The following EYS variants were observed in gnomAD, a reference collection of about 807,000 sequenced individuals.
The protein encoded by EYS is EGF-like photoreceptor maintenance factor.
EYS carries 250 observed loss-of-function variants against 282.1 expected under a neutral mutation model. The ratio of observed to expected loss-of-function variants is 0.89; its 90% CI spans 0.80 to 0.98. EYS has a LOEUF of 0.98. EYS is among the 50% of genes least tolerant of loss of function. The probability of loss-of-function intolerance (pLI) is 0.00; values close to 1 mark genes in which losing one functional copy is unlikely to be tolerated. For synonymous variants in EYS, 1,355 were observed against 1,282.9 expected (o/e 1.06, Z -1.20); for missense variants, 4,016 against 3,709.0 (o/e 1.08, Z -2.15).
intron 33 of EYS, among the ~76,000 whole-genome samples, chr6:64,033,856 A>G (rs1305002631): frequency 6.6e-6 from 1 of 151,964 alleles, no homozygotes; most frequent in Non-Finnish European, 1.5e-5. Context: ...CTATATATAT[A>G]TATATAAAAT....
At chr6:65,172,001 A>G (rs1006091225) in intron 12 of EYS, among the ~76,000 whole-genome samples, 2 of 151,460 alleles carry the variant, frequency 1.3e-5, no homozygotes, top group African/African-American at 4.8e-5. Flanking sequence ...AGGAAAATAT[A>G]TGATCATGGA....
rs540618353 is a variant in EYS at position 64,067,680 on chromosome 6, G to T, written c.6572-1189C>A. Among the ~76,000 whole-genome samples the T allele has an allele frequency of 3.9e-5, 6 of 152,074 alleles. No homozygotes were observed. The East Asian group carries it at 1.2e-3, about 29-fold the overall frequency. On this transcript the variant is annotated intron_variant, in intron 32 of 42. Transcript: ENST00000503581. The stretch of plus-strand genomic sequence containing the variant: ...ATTTACAAATTAAACTTTATCATTG[G>T]CATGATGTACAGGAAAAAATCATAA...
intron 26 of EYS, among the ~76,000 whole-genome samples, chr6:64,559,796 G>T (rs1286390719): frequency 6.6e-6 from 1 of 151,992 alleles, no homozygotes; most frequent in Non-Finnish European, 1.5e-5. Flanking sequence ...TACATGTGCA[G>T]GTTTGTTATA....
At chr6:64,037,755 T>C (rs1458603173) in intron 33 of EYS, among the ~76,000 whole-genome samples, 2 of 152,240 alleles carry the variant, frequency 1.3e-5, no homozygotes, top group African/African-American at 4.8e-5. Flanking sequence ...TCATTATTTC[T>C]GATTTTTCAC....
At chr6:64,910,043 C>G (rs1473624303) in intron 16 of EYS, among the ~76,000 whole-genome samples, 2 of 152,112 alleles carry the variant, frequency 1.3e-5, no homozygotes, top group African/African-American at 4.8e-5. Context: ...AATACATACG[C>G]TGAATCCTTA....
chr6:63,900,903 C>G (rs1773641853), intron 35 of EYS, among the ~76,000 whole-genome samples: 1 of 152,050 alleles, frequency 6.6e-6, no homozygotes. Context: ...TGGAAGAAAA[C>G]AACAACCGTG....
At chr6:64,556,138 A>G (rs1395374459) in intron 26 of EYS, among the ~76,000 whole-genome samples, 1 of 152,008 alleles carries the variant, frequency 6.6e-6, no homozygotes, top group Non-Finnish European at 1.5e-5. Flanking sequence ...TTTTGTATTT[A>G]CTCATGATAA....
intron 35 of EYS, among the ~76,000 whole-genome samples, chr6:63,929,378 C>T (rs114535600): frequency 6.6e-6 from 1 of 152,192 alleles, no homozygotes; most frequent in East Asian, 1.9e-4. Context: ...GTTATATCCA[C>T]AGGAGAAGAA....
chr6:64,138,876 C>T (rs1378685139), intron 31 of EYS, among the ~76,000 whole-genome samples: 1 of 152,142 alleles, frequency 6.6e-6, no homozygotes, highest in Admixed American at 6.6e-5. Context: ...TGTTGTTAGA[C>T]TTTTATGCCT....
At position 64,917,804 on chromosome 6, in the gene EYS, T is replaced by C. The variant is rs151254779; in HGVS notation, c.2382-5061A>G. ...AAAACATTATGTTATACAACATAAA[T>C]ATACACAATTTTTATGTGTTAATTT... On this transcript the variant is annotated intron_variant, in intron 15 of 42. Transcript: ENST00000503581. Among the ~76,000 whole-genome samples the C allele has an allele frequency of 6.7e-4, 102 of 152,320 alleles. No homozygotes were observed. In the East Asian group the frequency reaches 0.013, roughly 20 times the overall value.
At chr6:65,064,853 C>G (rs116238083) in intron 12 of EYS, among the ~76,000 whole-genome samples, 7 of 151,966 alleles carry the variant, frequency 4.6e-5, no homozygotes, top group Non-Finnish European at 8.8e-5. Flanking sequence ...TATATGCAAA[C>G]CTTGGACTGA....
At chr6:63,909,178 T>A (rs1464094419) in intron 35 of EYS, among the ~76,000 whole-genome samples, 2 of 152,226 alleles carry the variant, frequency 1.3e-5, no homozygotes, top group Non-Finnish European at 2.9e-5. Context: ...TGTGGCCTTC[T>A]GATTTTTATG....
chr6:64,576,595 G>T (rs1426016627), intron 26 of EYS, among the ~76,000 whole-genome samples: 2 of 151,774 alleles, frequency 1.3e-5, no homozygotes, highest in Non-Finnish European at 2.9e-5. Flanking sequence ...ACACATCTAT[G>T]GTGCTATGTA....
intron 12 of EYS, among the ~76,000 whole-genome samples, chr6:65,248,451 T>C (rs1246990680): frequency 6.6e-6 from 1 of 152,084 alleles, no homozygotes; most frequent in Non-Finnish European, 1.5e-5. Flanking sequence ...AAATGACATA[T>C]GTCATATTTT....
At chr6:64,635,859 C>A (rs936329992) in intron 22 of EYS, among the ~76,000 whole-genome samples, 4 of 152,086 alleles carry the variant, frequency 2.6e-5, no homozygotes, top group Non-Finnish European at 5.9e-5. Context: ...GGGAGGATTC[C>A]CGCTTTTTCT....
rs1320243607 is a variant in EYS at position 64,439,351 on chromosome 6, A to G, written c.5646T>C (p.Asp1882=). The G allele has an allele frequency of 1.3e-6, 2 of 1,488,534 alleles. No homozygotes were observed. The highest frequency in any genetic ancestry group is 1.5e-5 in the African/African-American group (1 of 68,844). The allele number at this position is 1,488,534 out of a possible 1,614,324, so 92.2% of individuals were successfully genotyped here. A position where few individuals can be genotyped will look rare whatever the true frequency, so the allele number is the denominator to read the frequency against. The change falls in exon 27 of 43, where the codon GAT becomes GAC. Residue 1882 remains aspartate (D), a splice_region_variant and synonymous_variant. Transcript: ENST00000503581. ...CTCCATAATAACGAACACAACTGAAATCTGTGGAGTCAGAAAGAAAATACA... is the reference window on the plus strand; with the variant it reads ...CTCCATAATAACGAACACAACTGAAGTCTGTGGAGTCAGAAAGAAAATACA... ...ILAPQRLMIS[D]FSCVRYYGDS...
chr6:63,908,010 ACG>A (rs1491528462), intron 35 of EYS, among the ~76,000 whole-genome samples: 1 of 12,600 alleles, frequency 7.9e-5, no homozygotes, highest in African/African-American at 3.7e-4. Context: ...ACACACACAA[ACG>A]TATATATATA....
intron 22 of EYS, among the ~76,000 whole-genome samples, chr6:64,704,321 T>C (rs1235896359): frequency 3.9e-5 from 4 of 103,786 alleles, no homozygotes; most frequent in Non-Finnish European, 8.0e-5. Context: ...ATGTACTATA[T>C]ATAAATATAT....
chr6:64,789,704 A>G (rs1486075848), intron 22 of EYS, among the ~76,000 whole-genome samples: 1 of 151,974 alleles, frequency 6.6e-6, no homozygotes, highest in African/African-American at 2.4e-5. Context: ...CTCTAACCTC[A>G]AGACTGTAAG....
Sources: gnomAD v4.1 joint callset for allele counts (sites outside exome capture counted in the v4.1 genomes callset) on GRCh38, gnomAD v4.1.1 for gene constraint, MANE v1.5 for transcripts, NCBI Gene and HGNC (gene_info 2026-07-23, HGNC 2026-07-21) for gene names.